The following PDE1A variants were observed in gnomAD, a reference collection of about 807,000 sequenced individuals.
PDE1A encodes phosphodiesterase 1A.
PDE1A carries 35 observed loss-of-function variants against 61.7 expected under a neutral mutation model. The ratio of observed to expected loss-of-function variants is 0.57; its 90% confidence interval spans 0.43 to 0.75. The LOEUF is 0.75. Among genes scored for constraint, PDE1A ranks in the 30% least tolerant of loss-of-function variants. The pLI is 0.00. For missense variants in PDE1A, 597 were observed against 630.6 expected (o/e 0.95, Z 0.57); for synonymous variants, 232 against 213.2 (o/e 1.09, Z -0.77).
At chr2:182,655,075 A>G in the PDE1A span, among the ~76,000 whole-genome samples, 1 of 152,150 alleles carries the variant, frequency 6.6e-6, no homozygotes. Flanking sequence ...ACTCTCAACC[A>G]TAGCGTAAAG....
chr2:182,449,049 T>TACACACACACACAC (rs200893342), intron 2 of PDE1A, among the ~76,000 whole-genome samples: 3 of 90,570 alleles, frequency 3.3e-5, no homozygotes, highest in African/African-American at 9.5e-5. Flanking sequence ...ATCATACACA[T>TACACACACACACAC]ACACACACAC....
the PDE1A span, among the ~76,000 whole-genome samples, chr2:182,593,243 C>G: frequency 6.6e-6 from 1 of 152,184 alleles, no homozygotes; most frequent in Non-Finnish European, 1.5e-5. Flanking sequence ...TAGGTTAGCT[C>G]TTTTTGACTT....
intron 1 of PDE1A, among the ~76,000 whole-genome samples, chr2:182,374,433 A>G (rs1700280984): frequency 6.6e-6 from 1 of 152,174 alleles, no homozygotes. Flanking sequence ...ATTTCTTGAG[A>G]CACAAAAATA....
chr2:182,575,855 A>G, the PDE1A span, among the ~76,000 whole-genome samples: 1 of 146,062 alleles, frequency 6.8e-6, no homozygotes, highest in Non-Finnish European at 1.5e-5. Context: ...CTATTGTGGG[A>G]CCTTGTGATC....
At chr2:182,254,239 C>T (rs892620069) in intron 2 of PDE1A, among the ~76,000 whole-genome samples, 1 of 151,952 alleles carries the variant, frequency 6.6e-6, no homozygotes, top group Admixed American at 6.6e-5. Context: ...GAAAACCAAC[C>T]AAAAAGTACT....
intron 2 of PDE1A, among the ~76,000 whole-genome samples, chr2:182,478,657 G>A (rs900618415): frequency 6.6e-6 from 1 of 151,836 alleles, no homozygotes; most frequent in Admixed American, 6.6e-5. Context: ...GATCATGTCT[G>A]GATATCACTG....
At chr2:182,225,254 T>C (rs771684722) in intron 6 of PDE1A, among the ~76,000 whole-genome samples, 9 of 151,924 alleles carry the variant, frequency 5.9e-5, no homozygotes, top group Admixed American at 6.6e-5. Flanking sequence ...TGTTGGAGAA[T>C]CAAGTGAAGT....
the PDE1A span, among the ~76,000 whole-genome samples, chr2:182,644,985 ATTTT>A: frequency 5.5e-5 from 7 of 128,102 alleles, no homozygotes; most frequent in African/African-American, 1.4e-4. Context: ...TGTCTTCTGT[ATTTT>A]TTTTTTTTTT....
rs575910492 is a variant in PDE1A, at chr2:182,276,519, T to C, written c.54-12105A>G. ...TTACTTTAATCTCTTAATCCTGTTA[T>C]CTTCGTAATCTGAGGATATTTGTCA... is the stretch of plus-strand genomic sequence containing the variant. On this transcript the variant is annotated intron_variant, in intron 1 of 13. Coordinates refer to ENST00000351439, the Ensembl canonical transcript of PDE1A. Among the ~76,000 whole-genome samples, 5 of 152,220 alleles carry C rather than the reference T, an allele frequency of 3.3e-5. No individual in the cohort carries two copies. The East Asian group carries it at 7.7e-4, about 24-fold the overall frequency.
chr2:182,423,658 T>C (rs1241835270), intron 1 of PDE1A, among the ~76,000 whole-genome samples: 3 of 152,182 alleles, frequency 2.0e-5, no homozygotes, highest in Non-Finnish European at 2.9e-5. Context: ...CATTTCAATC[T>C]CCCAGGATGT....
intron 1 of PDE1A, among the ~76,000 whole-genome samples, chr2:182,357,631 T>C (rs1043739635): frequency 6.6e-6 from 1 of 152,182 alleles, no homozygotes; most frequent in Admixed American, 6.5e-5. Context: ...TAAATAAGAA[T>C]ATCACTATTT....
At chr2:182,648,858 G>C in the PDE1A span, among the ~76,000 whole-genome samples, 54 of 152,276 alleles carry the variant, frequency 3.5e-4, no homozygotes, top group South Asian at 0.011. Flanking sequence ...TACAAAAGAA[G>C]TGATGATATC....
intron 7 of PDE1A, among the ~76,000 whole-genome samples, chr2:182,209,191 A>G (rs1264023702): frequency 6.6e-6 from 1 of 152,102 alleles, no homozygotes; most frequent in Non-Finnish European, 1.5e-5. Flanking sequence ...ATGGCTGGGG[A>G]GAGGCCTCAC....
At chr2:182,531,715 A>G in the PDE1A span, among the ~76,000 whole-genome samples, 1 of 152,136 alleles carries the variant, frequency 6.6e-6, no homozygotes, top group African/African-American at 2.4e-5. Context: ...GGGTTTTTTA[A>G]TATACTTTAA....
At chr2:182,438,121 G>C (rs1479446878) in intron 2 of PDE1A, among the ~76,000 whole-genome samples, 3 of 151,848 alleles carry the variant, frequency 2.0e-5, no homozygotes, top group East Asian at 3.9e-4. Flanking sequence ...TTTCCTCTCA[G>C]AGAGCACTTA....
chr2:182,231,678 G>C (rs2125646586), intron 4 of PDE1A, among the ~76,000 whole-genome samples: 1 of 152,190 alleles, frequency 6.6e-6, no homozygotes, highest in East Asian at 1.9e-4. Context: ...CACTTTGGGA[G>C]GCTGAAATGG....
At chr2:182,504,774 G>C (rs1019138007) in intron 2 of PDE1A, among the ~76,000 whole-genome samples, 1 of 152,160 alleles carries the variant, frequency 6.6e-6, no homozygotes, top group Non-Finnish European at 1.5e-5. Context: ...TAAAGTCTGA[G>C]AACAAAAATT....
Position 182,359,917 on chromosome 2 carries a change from G to T in PDE1A, c.53+66661C>A, listed in dbSNP as rs181233415. Among the ~76,000 whole-genome samples, 12 of 152,214 alleles carry T rather than the reference G, an allele frequency of 7.9e-5. No homozygotes were observed. In the East Asian group the frequency reaches 2.3e-3, roughly 29 times the overall value. ...TATTTAGCTTTGTTTCTTGAAGATGGTCCAACGATTTTATACAGTTCAAAC... is the reference window on the plus strand; with the variant it reads ...TATTTAGCTTTGTTTCTTGAAGATGTTCCAACGATTTTATACAGTTCAAAC... On this transcript the variant is annotated intron_variant, in intron 1 of 13. Coordinates refer to ENST00000351439, the Ensembl canonical transcript of PDE1A.
intron 7 of PDE1A, among the ~76,000 whole-genome samples, chr2:182,215,455 CA>C (rs1245086675): frequency 2.0e-5 from 3 of 149,416 alleles, no homozygotes; most frequent in African/African-American, 5.0e-5. Context: ...AAAAACCCTT[CA>C]AAAAATTAAT....
Sources: allele counts gnomAD v4.1 joint callset (sites outside exome capture counted in the v4.1 genomes callset), GRCh38; gene constraint gnomAD v4.1.1; transcripts MANE v1.5; gene names NCBI Gene and HGNC (gene_info 2026-07-23, HGNC 2026-07-21).